Variants in TCF4 observed in about 807,000 individuals in gnomAD.
TCF4 encodes transcription factor 4, also known as SL3-3 enhancer factor 2.
In TCF4, 3 loss-of-function variants were observed where a neutral mutation model predicts 82.1. That is an observed-to-expected ratio of 0.04 (90% CI 0.02 to 0.09). The LOEUF (loss-of-function observed/expected upper bound fraction) is 0.09. Among genes scored for constraint, TCF4 ranks in the 10% least tolerant of loss-of-function variants. TCF4 has a pLI of 1.00. For missense variants in TCF4, 518 were observed against 852.7 expected (o/e 0.61, Z 4.89); for synonymous variants, 276 against 309.6 (o/e 0.89, Z 1.14).
At chr18:55,380,414 C>T (rs534622195) in intron 6 of TCF4, among the ~76,000 whole-genome samples, 1 of 152,170 alleles carries the variant, frequency 6.6e-6, no homozygotes, top group East Asian at 1.9e-4. Flanking sequence ...TGCTAACCCT[C>T]CCCTCGTCCC....
chr18:55,355,558 A>G (rs2083308956), intron 6 of TCF4, among the ~76,000 whole-genome samples: 1 of 152,180 alleles, frequency 6.6e-6, no homozygotes, highest in Non-Finnish European at 1.5e-5. Flanking sequence ...AAGGGCAATG[A>G]AGAACACAGT....
chr18:55,527,463 C>T (rs1183345759), intron 3 of TCF4, among the ~76,000 whole-genome samples: 1 of 152,142 alleles, frequency 6.6e-6, no homozygotes, highest in Non-Finnish European at 1.5e-5. Flanking sequence ...AGGAAGCAGA[C>T]CAAAAATTCA....
intron 3 of TCF4, among the ~76,000 whole-genome samples, chr18:55,541,557 C>T (rs2097165350): frequency 6.6e-6 from 1 of 151,900 alleles, no homozygotes; most frequent in African/African-American, 2.4e-5. Context: ...ATATCCTAAG[C>T]ATATTTCTCT....
chr18:55,552,471 A>C (rs1359214487), intron 3 of TCF4, among the ~76,000 whole-genome samples: 2 of 152,220 alleles, frequency 1.3e-5, no homozygotes, highest in South Asian at 4.1e-4. Context: ...CAATTTTTTC[A>C]ATGCTAAGAA....
chr18:55,309,830 G>A (rs1362185868), intron 8 of TCF4, among the ~76,000 whole-genome samples: 3 of 151,998 alleles, frequency 2.0e-5, no homozygotes, highest in Non-Finnish European at 4.4e-5. Context: ...AATACTGAGA[G>A]TGCAACACAG....
At chr18:55,621,321 T>C (rs1389385000) in intron 2 of TCF4, among the ~76,000 whole-genome samples, 1 of 147,124 alleles carries the variant, frequency 6.8e-6, no homozygotes, top group Non-Finnish European at 1.5e-5. Flanking sequence ...GATTAGAAAA[T>C]ATTTAACATA....
At chr18:55,409,148 G>A (rs2094230093) in intron 5 of TCF4, among the ~76,000 whole-genome samples, 1 of 152,126 alleles carries the variant, frequency 6.6e-6, no homozygotes, top group South Asian at 2.1e-4. Context: ...AAGATGTACA[G>A]AAGAGTAAAA....
At chr18:55,268,859 A>G (rs2059756364) in intron 11 of TCF4, 4 of 152,226 alleles carry the variant, frequency 2.6e-5, no homozygotes, top group Admixed American at 2.0e-4. Flanking sequence ...ACGCTCTGAC[A>G]GTGACATTCA....
intron 8 of TCF4, among the ~76,000 whole-genome samples, chr18:55,307,293 T>TA (rs1338055861): frequency 2.0e-5 from 3 of 152,242 alleles, no homozygotes; most frequent in Non-Finnish European, 4.4e-5. Flanking sequence ...CCTATGGTCT[T>TA]ATGACAAATG....
chr18:55,400,445 A>C (rs996082753), intron 6 of TCF4, among the ~76,000 whole-genome samples: 9 of 152,154 alleles, frequency 5.9e-5, no homozygotes, highest in Non-Finnish European at 1.2e-4. Flanking sequence ...TTGCTTATCT[A>C]TTGATTCATT....
chr18:55,284,222 C>G (rs932639137), intron 8 of TCF4: 2 of 151,852 alleles, frequency 1.3e-5, no homozygotes, highest in Non-Finnish European at 2.9e-5. Flanking sequence ...ACCAGCCTGG[C>G]CAACATGGTG....
At chr18:55,394,414 T>C (rs1446564130) in intron 6 of TCF4, among the ~76,000 whole-genome samples, 9 of 152,026 alleles carry the variant, frequency 5.9e-5, no homozygotes, top group African/African-American at 2.2e-4. Context: ...ATAACATATA[T>C]CTGGTATTCA....
intron 8 of TCF4, among the ~76,000 whole-genome samples, chr18:55,338,646 G>T (rs778848709): frequency 1.1e-4 from 16 of 152,088 alleles, no homozygotes; most frequent in African/African-American, 3.9e-4. Flanking sequence ...TGGGGTTCCC[G>T]AAAATTGATT....
chr18:55,242,369 G>A (rs952275405), intron 15 of TCF4, among the ~76,000 whole-genome samples: 2 of 150,586 alleles, frequency 1.3e-5, no homozygotes, highest in East Asian at 1.9e-4. Flanking sequence ...TCACTGCACG[G>A]GAGTGTAATA....
intron 3 of TCF4, among the ~76,000 whole-genome samples, chr18:55,533,734 A>G (rs556533342): frequency 6.6e-6 from 1 of 152,346 alleles, no homozygotes; most frequent in East Asian, 1.9e-4. Flanking sequence ...ATGACCACTA[A>G]TAAAATCCCT....
intron 6 of TCF4, among the ~76,000 whole-genome samples, chr18:55,368,561 G>A (rs1273643993): frequency 1.3e-5 from 2 of 152,274 alleles, no homozygotes; most frequent in East Asian, 3.9e-4. Flanking sequence ...TTTCAAATTT[G>A]TGTTGGGCCG....
chr18:55,366,017 T>C (rs2087011124), intron 6 of TCF4, among the ~76,000 whole-genome samples: 5 of 112,534 alleles, frequency 4.4e-5, no homozygotes, highest in South Asian at 2.6e-4. Context: ...GATATAGATA[T>C]AGATATAGAT....
At chr18:55,408,836 T>G (rs574292214) in intron 5 of TCF4, among the ~76,000 whole-genome samples, 2 of 151,472 alleles carry the variant, frequency 1.3e-5, no homozygotes, top group East Asian at 3.9e-4. Flanking sequence ...AAAAAAAAAG[T>G]ATAAATAAAC....
At chr18:55,260,108 G>A (rs1280434349) in intron 12 of TCF4, 81 bp from the exon 13 acceptor site, 10 of 1,072,472 alleles carry the variant, frequency 9.3e-6, no homozygotes, top group East Asian at 4.8e-5. Flanking sequence ...AGTTGTCAAC[G>A]CAATTCATTT....
Sources: gnomAD v4.1 joint callset for allele counts (sites outside exome capture counted in the v4.1 genomes callset) on GRCh38, gnomAD v4.1.1 for gene constraint, MANE v1.5 for transcripts, NCBI Gene and HGNC (gene_info 2026-07-23, HGNC 2026-07-21) for gene names.